The following COL28A1 variants were observed in gnomAD, a reference collection of about 807,000 sequenced individuals.
The protein encoded by COL28A1 is collagen alpha-1(XXVIII) chain.
In COL28A1, 161 loss-of-function variants were observed where a neutral mutation model predicts 150.2. The ratio of observed to expected loss-of-function variants is 1.07; its 90% CI spans 0.94 to 1.22. The LOEUF (loss-of-function observed/expected upper bound fraction) is 1.22. Ranked by LOEUF, COL28A1 falls within the 50% of genes most tolerant of loss-of-function variation. The pLI is 0.00. For missense variants in COL28A1, 1,617 were observed against 1,388.3 expected, an observed-to-expected ratio of 1.16 and a Z score of -2.62; for synonymous variants, 552 against 469.7, an observed-to-expected ratio of 1.18 and a Z score of -2.26.
intron 28 of COL28A1, 150 bp from the exon 29 acceptor site, chr7:7,381,012 G>A: frequency 3.1e-6 from 2 of 651,380 alleles, no homozygotes; most frequent in Non-Finnish European, 5.3e-6. Flanking sequence ...AAAAATTGGG[G>A]GTAACTTATT....
At chr7:7,439,467 A>G (rs945352785) in intron 21 of COL28A1, among the ~76,000 whole-genome samples, 1 of 152,232 alleles carries the variant, frequency 6.6e-6, no homozygotes, top group Admixed American at 6.5e-5. Context: ...ATTTAATTTT[A>G]CTTCTTTTTT....
At chr7:7,486,993 T>C (rs13241099) in intron 13 of COL28A1, among the ~76,000 whole-genome samples, 4,099 of 152,278 alleles carry the variant, frequency 0.027, 92 homozygotes, top group Non-Finnish European at 0.042. Context: ...TTCTATTGTC[T>C]GAAAAAGATA....
upstream of COL28A1, among the ~76,000 whole-genome samples, chr7:7,537,989 G>C (rs1230170839): frequency 6.6e-6 from 1 of 152,084 alleles, no homozygotes. Context: ...CTCCTGCCTT[G>C]GAGCTGTTTT....
At chr7:7,404,894 A>AT (rs1783409538) in intron 27 of COL28A1, among the ~76,000 whole-genome samples, 2 of 151,822 alleles carry the variant, frequency 1.3e-5, no homozygotes, top group African/African-American at 4.8e-5. Flanking sequence ...TTTTATTTTA[A>AT]TTTTTTTGAC....
At chr7:7,456,020 G>A (rs756832254) in intron 16 of COL28A1, 24 bp downstream of exon 16, 4 of 1,613,542 alleles carry the variant, frequency 2.5e-6, no homozygotes, top group Admixed American at 3.3e-5. Context: ...TGCACTGAAG[G>A]GAAAGGAAGA....
intron 9 of COL28A1, among the ~76,000 whole-genome samples, chr7:7,509,059 C>T (rs1211055102): frequency 6.6e-6 from 1 of 152,136 alleles, no homozygotes; most frequent in Non-Finnish European, 1.5e-5. Context: ...GTCTCAAACT[C>T]CTGACCTCTG....
At chr7:7,425,281 A>G (rs575179059) in intron 25 of COL28A1, among the ~76,000 whole-genome samples, 4 of 152,260 alleles carry the variant, frequency 2.6e-5, no homozygotes, top group African/African-American at 9.6e-5. Context: ...TCCCATTTTG[A>G]TGTGGACTGG....
intron 27 of COL28A1, among the ~76,000 whole-genome samples, chr7:7,406,375 C>T (rs1322859792): frequency 6.6e-6 from 1 of 152,150 alleles, no homozygotes; most frequent in Non-Finnish European, 1.5e-5. Flanking sequence ...TTTGCTTATT[C>T]ATTCAACAAA....
At chr7:7,429,593 T>G (rs187428637) in intron 25 of COL28A1, among the ~76,000 whole-genome samples, 1 of 152,282 alleles carries the variant, frequency 6.6e-6, no homozygotes, top group African/African-American at 2.4e-5. Flanking sequence ...TAAAGTTACT[T>G]AGAAGCTGGT....
chr7:7,501,298 T>C, intron 11 of COL28A1, among the ~76,000 whole-genome samples: 1 of 152,198 alleles, frequency 6.6e-6, no homozygotes, highest in Non-Finnish European at 1.5e-5. Flanking sequence ...AATACTGCAG[T>C]ATTTTTTAAC....
At chr7:7,516,806 C>A (rs553166084) in intron 7 of COL28A1, among the ~76,000 whole-genome samples, 2 of 151,818 alleles carry the variant, frequency 1.3e-5, no homozygotes, top group South Asian at 2.1e-4. Flanking sequence ...GTTGCTCAGG[C>A]TGGTCTCAAA....
intron 6 of COL28A1, 74 bp downstream of exon 6, chr7:7,519,988 T>G (rs1781624737): frequency 2.5e-6 from 2 of 796,420 alleles, no homozygotes; most frequent in Non-Finnish European, 4.3e-6. Context: ...CTTTTTATTT[T>G]TAAAATTGTT....
intron 27 of COL28A1, among the ~76,000 whole-genome samples, chr7:7,390,465 G>A (rs1782473202): frequency 2.0e-5 from 3 of 151,890 alleles, no homozygotes; most frequent in Non-Finnish European, 2.9e-5. Flanking sequence ...CTTTTTGTTG[G>A]GTCTCTGCCA....
chr7:7,484,673 G>T (rs1397910395), intron 13 of COL28A1, among the ~76,000 whole-genome samples: 1 of 152,048 alleles, frequency 6.6e-6, no homozygotes, highest in Non-Finnish European at 1.5e-5. Flanking sequence ...AGGAGTAGGT[G>T]GCAATATTGA....
At chr7:7,485,314 TTTA>T (rs1779566438) in intron 13 of COL28A1, among the ~76,000 whole-genome samples, 1 of 152,156 alleles carries the variant, frequency 6.6e-6, no homozygotes, top group South Asian at 2.1e-4. Flanking sequence ...TAATTCGATT[TTTA>T]TTATTGAGTT....
chr7:7,407,149 T>C (rs1329696316), intron 27 of COL28A1, among the ~76,000 whole-genome samples: 1 of 151,710 alleles, frequency 6.6e-6, no homozygotes, highest in African/African-American at 2.4e-5. Flanking sequence ...AATGATTAGA[T>C]TGAAAAAATA....
intron 13 of COL28A1, among the ~76,000 whole-genome samples, chr7:7,484,506 G>C (rs1203694087): frequency 1.3e-5 from 2 of 151,640 alleles, no homozygotes; most frequent in African/African-American, 2.4e-5. Flanking sequence ...TAAATATATG[G>C]GTAAAACTAT....
chr7:7,420,626 C>G (rs1305747636), intron 25 of COL28A1, among the ~76,000 whole-genome samples: 1 of 152,230 alleles, frequency 6.6e-6, no homozygotes, highest in Non-Finnish European at 1.5e-5. Flanking sequence ...TCACAATAAT[C>G]TTGCATTATA....
chr7:7,476,330 A>G (rs559981181), intron 14 of COL28A1, among the ~76,000 whole-genome samples: 52 of 152,338 alleles, frequency 3.4e-4, no homozygotes, highest in African/African-American at 1.2e-3. Context: ...CCTTCAGCAA[A>G]TGTGCCAAAG....
Sources: gnomAD v4.1 joint callset for allele counts (sites outside exome capture counted in the v4.1 genomes callset) on GRCh38, gnomAD v4.1.1 for gene constraint, MANE v1.5 for transcripts, NCBI Gene and HGNC (gene_info 2026-07-23, HGNC 2026-07-21) for gene names.